The following LRRC7 variants were observed in gnomAD, a reference collection of about 807,000 sequenced individuals.
The protein encoded by LRRC7 is leucine rich repeat containing 7.
Under a neutral mutation model 175.7 loss-of-function variants are expected in LRRC7, and 23 were observed. That is an observed-to-expected ratio of 0.13 (90% CI 0.09 to 0.19). The LOEUF (loss-of-function observed/expected upper bound fraction) is 0.19. LRRC7 is among the 10% of genes least tolerant of loss of function. LRRC7 has a pLI of 1.00. For missense variants in LRRC7, 1,354 were observed against 1,904.7 expected, an observed-to-expected ratio of 0.71 and a Z score of 5.38; for synonymous variants, 685 against 680.9, an observed-to-expected ratio of 1.01 and a Z score of -0.09.
chr1:69,687,980 G>A (rs1661389777), intron 2 of LRRC7, among the ~76,000 whole-genome samples: 1 of 152,124 alleles, frequency 6.6e-6, no homozygotes, highest in Admixed American at 6.5e-5. Flanking sequence ...CTGTCTGTTT[G>A]CTTCCCTCCA....
At chr1:70,051,989 G>A (rs184791734) in intron 22 of LRRC7, among the ~76,000 whole-genome samples, 1 of 152,082 alleles carries the variant, frequency 6.6e-6, no homozygotes, top group East Asian at 1.9e-4. Context: ...AGGGTAGGAG[G>A]ACAATTCCTT....
chr1:69,658,623 T>TA (rs1045725262), intron 1 of LRRC7, among the ~76,000 whole-genome samples: 4 of 151,640 alleles, frequency 2.6e-5, no homozygotes, highest in African/African-American at 9.7e-5. Flanking sequence ...AATGAGGACC[T>TA]AAAAAAAATC....
chr1:69,944,294 T>A (rs1276040393), intron 8 of LRRC7, among the ~76,000 whole-genome samples: 2 of 152,142 alleles, frequency 1.3e-5, no homozygotes, highest in Admixed American at 1.3e-4. Context: ...TGTTTCTACA[T>A]GATAGGAATT....
In LRRC7 at chr1:70,018,730, T is replaced by C. The variant is rs762022152; in HGVS notation, c.1332T>C (p.Leu444=). The C allele has an allele frequency of 1.9e-6, 3 of 1,611,668 alleles. No individual in the cohort carries two copies. The South Asian group carries it at 3.3e-5, about 18-fold the overall frequency. ...LWLSDNQSKA[L]IPLQTEAHPE... The stretch of plus-strand genomic sequence containing the variant: ...TTCTTTGCTTCTAGTCCAAAGCCCT[T>C]ATCCCTTTACAAACAGAAGCCCATC... The change falls in exon 15 of 27, where the codon CTT becomes CTC. Residue 444 remains leucine, a synonymous_variant. Coordinates refer to ENST00000651989, the MANE Select transcript of LRRC7 (RefSeq NM_001370785.2).
intron 2 of LRRC7, among the ~76,000 whole-genome samples, chr1:69,731,158 C>T (rs1332135258): frequency 1.3e-5 from 2 of 151,870 alleles, no homozygotes; most frequent in African/African-American, 4.8e-5. Context: ...AAAAAATAGC[C>T]GGATGTGGTG....
At chr1:69,875,541 T>A (rs1685964781) in intron 7 of LRRC7, among the ~76,000 whole-genome samples, 1 of 152,100 alleles carries the variant, frequency 6.6e-6, no homozygotes, top group Non-Finnish European at 1.5e-5. Context: ...CCACTGTCCA[T>A]GTTATATGTC....
At chr1:70,080,242 TCCC>T (rs758007157) in intron 24 of LRRC7, among the ~76,000 whole-genome samples, 3 of 152,194 alleles carry the variant, frequency 2.0e-5, no homozygotes, top group East Asian at 1.9e-4. Context: ...TACCTCTGTA[TCCC>T]TTAATGTCAC....
chr1:69,665,622 T>TTGTTCTCTGTTGGCATATAGAGGGGATAC (rs1658149265), intron 1 of LRRC7, among the ~76,000 whole-genome samples: 1 of 152,080 alleles, frequency 6.6e-6, no homozygotes, highest in South Asian at 2.1e-4. Flanking sequence ...CTGTCTCAGA[T>TTGTTCTCTGTTGGCATATAGAGGGGATAC]TGTTCTCTGT....
intron 1 of LRRC7, among the ~76,000 whole-genome samples, chr1:69,633,492 G>A (rs1652837615): frequency 6.6e-6 from 1 of 151,854 alleles, no homozygotes; most frequent in Admixed American, 6.6e-5. Context: ...GCAGTGGTGC[G>A]ATCTCAACTC....
Position 70,039,056 on chromosome 1 carries a change from G to C in LRRC7, c.3232G>C (p.Val1078Leu). The change falls in exon 21 of 27, where the codon GTG becomes CTG. Residue 1078 changes from valine (V) to leucine (L), a missense_variant. Physicochemically the swap from Val to Leu is conservative, Grantham distance 32. This residue lies in a region of LRRC7 where 1,032 missense variants were observed against 1,227.2 expected (regional missense o/e 0.84). Coordinates refer to ENST00000651989, the MANE Select transcript of LRRC7 (RefSeq NM_001370785.2). Reference protein sequence around the residue: ...FDQSFNPQGSVEVKAEKRIPP... With the variant: ...FDQSFNPQGSLEVKAEKRIPP... ...CCAAAGCTTCAATCCTCAAGGATCAGTGGAAGTGAAAGCCGAAAAGAGGAT... is the reference window on the plus strand; with the variant it reads ...CCAAAGCTTCAATCCTCAAGGATCACTGGAAGTGAAAGCCGAAAAGAGGAT... The C allele has an allele frequency of 6.2e-7, 1 of 1,614,092 alleles. No individual in the cohort carries two copies. The highest frequency in any genetic ancestry group is 8.5e-7 in the Non-Finnish European group (1 of 1,180,006).
intron 23 of LRRC7, among the ~76,000 whole-genome samples, chr1:70,065,829 T>C (rs1022190370): frequency 6.6e-6 from 1 of 151,996 alleles, no homozygotes; most frequent in Non-Finnish European, 1.5e-5. Flanking sequence ...CATCTCAACA[T>C]CTGAAACAAA....
chr1:70,039,697 G>A lies in LRRC7; in HGVS notation c.3873G>A (p.Arg1291=). The A allele has an allele frequency of 6.2e-7, 1 of 1,614,122 alleles. No homozygotes were observed. Among genetic ancestry groups the A allele is most frequent in the Non-Finnish European group, 8.5e-7 (1 of 1,179,994 alleles). The change falls in exon 21 of 27, where the codon AGG becomes AGA. Residue 1291 remains arginine (R), a synonymous_variant. Coordinates refer to ENST00000651989, the MANE Select transcript of LRRC7 (RefSeq NM_001370785.2). ...KPSDNSDLKT[R]PTPVKGEESC... The stretch of plus-strand genomic sequence containing the variant: ...CAGATAACAGTGATTTAAAGACGAG[G>A]CCTACTCCTGTGAAGGGAGAGGAGA...
At chr1:70,077,802 T>C (rs182392419) in intron 24 of LRRC7, among the ~76,000 whole-genome samples, 1 of 152,332 alleles carries the variant, frequency 6.6e-6, no homozygotes, top group East Asian at 1.9e-4. Context: ...ACATTATGAT[T>C]ATTTCAGAAA....
At position 69,911,726 on chromosome 1, in the gene LRRC7, A is replaced by C. The variant is rs551443704; in HGVS notation, c.648-19781A>C. Among the ~76,000 whole-genome samples, 7 of 152,314 alleles carry C rather than the reference A, an allele frequency of 4.6e-5. No individual in the cohort carries two copies. In the South Asian group the frequency reaches 1.4e-3, roughly 32 times the overall value. On this transcript the variant is annotated intron_variant, in intron 7 of 26. Coordinates refer to ENST00000651989, the MANE Select transcript of LRRC7 (RefSeq NM_001370785.2). The stretch of plus-strand genomic sequence containing the variant: ...AGGGCAGGTTCTGCTGGCAAGTAAG[A>C]AAGGTAGTTGCATGGGAAATAGCCA...
chr1:70,129,246 TA>T lies in LRRC7; in HGVS notation c.*7375del, dbSNP rs199578199. ...TGGGTGACAGAGTGAGACTCCATCT[TA>T]AAAAAAAAAAAAAAAGTGTCACGAA... On this transcript the variant is annotated 3_prime_UTR_variant, in exon 27 of 27. Coordinates refer to ENST00000651989, the MANE Select transcript of LRRC7 (RefSeq NM_001370785.2). 0.05 allele frequency among the ~76,000 whole-genome samples: 6,624 copies of T among 133,816 alleles called. 186 individuals carry two copies. The highest frequency in any genetic ancestry group is 0.17 in the East Asian group (789 of 4,666). 87.8% of individuals were successfully genotyped at this position (133,816 alleles called of 152,430 possible).
chr1:69,610,835 A>G (rs1431014197), intron 1 of LRRC7, among the ~76,000 whole-genome samples: 1 of 152,022 alleles, frequency 6.6e-6, no homozygotes, highest in Non-Finnish European at 1.5e-5. Context: ...ATAATTTTCA[A>G]TAATAAACAT....
intron 4 of LRRC7, among the ~76,000 whole-genome samples, chr1:69,802,798 G>A (rs1462301043): frequency 6.6e-6 from 1 of 151,132 alleles, no homozygotes; most frequent in Non-Finnish European, 1.5e-5. Flanking sequence ...TTCTCTCAAT[G>A]TAGTAAAACA....
chr1:69,635,341 C>A (rs1307668708), intron 1 of LRRC7, among the ~76,000 whole-genome samples: 1 of 151,878 alleles, frequency 6.6e-6, no homozygotes, highest in African/African-American at 2.4e-5. Context: ...TCCATAACTA[C>A]CAAAAGACTA....
chr1:69,785,847 A>G (rs1674350364), intron 3 of LRRC7, among the ~76,000 whole-genome samples: 1 of 152,106 alleles, frequency 6.6e-6, no homozygotes, highest in Non-Finnish European at 1.5e-5. Flanking sequence ...AAATTCCTCC[A>G]CTACCTCACT....
Sources: gnomAD v4.1 joint callset for allele counts (sites outside exome capture counted in the v4.1 genomes callset) on GRCh38, gnomAD v4.1.1 for gene constraint, gnomAD v4.1.1 regional missense constraint, MANE v1.5 for transcripts, NCBI Gene and HGNC (gene_info 2026-07-23, HGNC 2026-07-21) for gene names.